LRBA: variants seen among roughly 807,000 people sequenced by gnomAD.
LRBA encodes LPS responsive beige-like anchor protein.
A neutral mutation model predicts 330.0 loss-of-function variants in LRBA; 176 were observed. The observed-to-expected ratio is 0.53, with a 90% CI of 0.47 to 0.60. The LOEUF (loss-of-function observed/expected upper bound fraction) is 0.60, where lower values mean the gene tolerates loss of function less well. Ranked by LOEUF, LRBA falls within the 20% of genes least tolerant of loss-of-function variation. The probability of loss-of-function intolerance (pLI) is 0.00; values close to 1 mark genes in which losing one functional copy is unlikely to be tolerated. For synonymous variants in LRBA, 1,230 were observed against 1,193.0 expected (o/e 1.03, Z -0.64); for missense variants, 3,259 against 3,444.8 (o/e 0.95, Z 1.35).
chr4:150,808,107 T>TG lies in LRBA; in HGVS notation c.5384+212dup, dbSNP rs1406933607. 2.0e-5 allele frequency among the ~76,000 whole-genome samples: 3 copies of TG among 151,796 alleles called. No homozygotes were observed. In the East Asian group the frequency reaches 5.8e-4, roughly 29 times the overall value. On this transcript the variant is annotated intron_variant, in intron 32 of 56. Coordinates refer to ENST00000651943, the MANE Select transcript of LRBA (RefSeq NM_001364905.1). ...TTCTCATGAAGTGACTTGTACATCA[T>TG]GAAATGACTTGTACATCATCAAATG...
intron 40 of LRBA, among the ~76,000 whole-genome samples, chr4:150,534,269 T>G (rs962812758): frequency 4.0e-5 from 6 of 150,420 alleles, no homozygotes; most frequent in Non-Finnish European, 8.9e-5. Context: ...ATTGTTCACA[T>G]TTAAGACTTT....
At chr4:150,848,025 T>C (rs1049132252) in intron 26 of LRBA, among the ~76,000 whole-genome samples, 1 of 152,072 alleles carries the variant, frequency 6.6e-6, no homozygotes, top group Admixed American at 6.6e-5. Context: ...ATAACCCTTT[T>C]TTTTTTTGAG....
chr4:150,440,121 A>G (rs1236148737), intron 44 of LRBA, among the ~76,000 whole-genome samples: 1 of 152,178 alleles, frequency 6.6e-6, no homozygotes, highest in Non-Finnish European at 1.5e-5. Context: ...CTTACTGTAC[A>G]ATGTAACAAG....
rs1031217046 is a variant in LRBA, at chr4:150,956,470, T to C, written c.217-27405A>G. On this transcript the variant is annotated intron_variant, in intron 2 of 56. Transcript: ENST00000651943. ...AACATTTAAAGACAAATTAATACAA[T>C]TCTTCACAAACTCTTCCAAAACACT... Among the ~76,000 whole-genome samples, 69 of 148,806 alleles carry C rather than the reference T, an allele frequency of 4.6e-4. 7 individuals are homozygous for C. The highest frequency in any genetic ancestry group is 1.7e-3 in the African/African-American group (66 of 38,416).
intron 44 of LRBA, among the ~76,000 whole-genome samples, chr4:150,448,778 A>G (rs372575964): frequency 3.0e-4 from 37 of 122,506 alleles, no homozygotes; most frequent in African/African-American, 1.1e-3. Flanking sequence ...CTCCAGTCTG[A>G]GCAATAAGAG....
intron 40 of LRBA, among the ~76,000 whole-genome samples, chr4:150,559,046 C>A (rs1423727799): frequency 6.6e-6 from 1 of 152,124 alleles, no homozygotes; most frequent in Non-Finnish European, 1.5e-5. Flanking sequence ...AACTCTCAGA[C>A]AGACATATCA....
intron 40 of LRBA, among the ~76,000 whole-genome samples, chr4:150,574,357 G>A (rs996700790): frequency 6.6e-6 from 1 of 152,048 alleles, no homozygotes; most frequent in Non-Finnish European, 1.5e-5. Context: ...AACATCTGCA[G>A]AAAGATTTCT....
chr4:150,942,695 T>G (rs17027211), intron 2 of LRBA, among the ~76,000 whole-genome samples: 3,359 of 152,212 alleles, frequency 0.022, 107 homozygotes, highest in African/African-American at 0.076. Context: ...TCTACTATCA[T>G]AACTAATCCT....
chr4:150,391,619 G>C (rs1264664349), intron 47 of LRBA, among the ~76,000 whole-genome samples: 1 of 152,000 alleles, frequency 6.6e-6, no homozygotes, highest in Admixed American at 6.6e-5. Context: ...CAGGAACTAG[G>C]TAAGTAAATT....
intron 37 of LRBA, among the ~76,000 whole-genome samples, chr4:150,641,398 T>C (rs1363989942): frequency 2.0e-5 from 3 of 152,128 alleles, no homozygotes; most frequent in Non-Finnish European, 4.4e-5. Context: ...TATATCTAAA[T>C]ACATAATGGC....
intron 2 of LRBA, among the ~76,000 whole-genome samples, chr4:151,008,586 T>C (rs1744401523): frequency 6.6e-6 from 1 of 151,644 alleles, no homozygotes; most frequent in African/African-American, 2.4e-5. Flanking sequence ...CAATTCGAGT[T>C]TGGTTGAAAA....
At chr4:150,479,731 A>C (rs1233227201) in intron 42 of LRBA, among the ~76,000 whole-genome samples, 1 of 152,154 alleles carries the variant, frequency 6.6e-6, no homozygotes, top group Non-Finnish European at 1.5e-5. Context: ...AATTTTTAAA[A>C]ATTGGGGTTT....
At chr4:150,417,808 T>C (rs915007861) in intron 46 of LRBA, among the ~76,000 whole-genome samples, 4 of 152,080 alleles carry the variant, frequency 2.6e-5, no homozygotes, top group Admixed American at 2.0e-4. Flanking sequence ...CAACACCAAT[T>C]TGAGGAAGCA....
chr4:150,443,853 A>AAATATATATATATATATATATATAT (rs70941406), intron 44 of LRBA, among the ~76,000 whole-genome samples: 1 of 75,478 alleles, frequency 1.3e-5, no homozygotes, highest in African/African-American at 3.9e-5. Flanking sequence ...TAATTAAAAA[A>AAATATATATATATATATATATATAT]ATATATATAT....
chr4:150,841,703 A>T (rs990276765), intron 28 of LRBA, among the ~76,000 whole-genome samples: 4 of 151,156 alleles, frequency 2.6e-5, no homozygotes, highest in Non-Finnish European at 4.4e-5. Context: ...CCCAGGCTGG[A>T]CTGCAGTGGT....
At chr4:150,727,067 G>GGTT (rs1553947451) in intron 36 of LRBA, among the ~76,000 whole-genome samples, 1 of 79,500 alleles carries the variant, frequency 1.3e-5, no homozygotes, top group South Asian at 6.1e-4. Flanking sequence ...ACATTTCGTT[G>GGTT]TTTTTTTTTT....
chr4:150,515,015 G>T (rs1762193993), intron 40 of LRBA, among the ~76,000 whole-genome samples: 1 of 151,740 alleles, frequency 6.6e-6, no homozygotes, highest in South Asian at 2.1e-4. Context: ...AGGCCACTGG[G>T]GAAAAAATAG....
At chr4:150,975,959 T>C (rs1740116007) in intron 2 of LRBA, among the ~76,000 whole-genome samples, 1 of 151,524 alleles carries the variant, frequency 6.6e-6, no homozygotes, top group African/African-American at 2.4e-5. Context: ...GTAAGGAGTT[T>C]GAGACCAGCC....
intron 36 of LRBA, among the ~76,000 whole-genome samples, chr4:150,704,339 G>A (rs1785404796): frequency 6.6e-6 from 1 of 151,880 alleles, no homozygotes; most frequent in Admixed American, 6.6e-5. Context: ...GTGGGGCAAA[G>A]ATACTGGAGA....
Sources: allele counts gnomAD v4.1 joint callset (sites outside exome capture counted in the v4.1 genomes callset), GRCh38; gene constraint gnomAD v4.1.1; transcripts MANE v1.5; gene names NCBI Gene and HGNC (gene_info 2026-07-23, HGNC 2026-07-21).